Variants in PIK3R6 observed in about 807,000 individuals in gnomAD.
PIK3R6 encodes phosphoinositide 3-kinase regulatory subunit 6.
PIK3R6 carries 91 observed loss-of-function variants against 84.9 expected under a neutral mutation model. That is an observed-to-expected ratio of 1.07 (90% CI 0.90 to 1.28). The LOEUF (loss-of-function observed/expected upper bound fraction) is 1.28. Ranked by LOEUF, PIK3R6 falls within the 50% of genes most tolerant of loss-of-function variation. The pLI is 0.00. For synonymous variants in PIK3R6, 416 were observed against 411.4 expected (o/e 1.01, Z -0.13); for missense variants, 996 against 985.1 (o/e 1.01, Z -0.15).
At chr17:8,827,391 T>C in intron 12 of PIK3R6, 97 bp from the exon 13 acceptor site, 1 of 1,377,398 alleles carries the variant, frequency 7.3e-7, no homozygotes, top group Non-Finnish European at 9.7e-7. Flanking sequence ...GGTCAAGTCA[T>C]TTAACCTCTT....
chr17:8,815,570 A>C (rs575275914), intron 18 of PIK3R6, among the ~76,000 whole-genome samples: 313 of 152,200 alleles, frequency 2.1e-3, no homozygotes, highest in Non-Finnish European at 3.4e-3. Context: ...ATTCCAAAGA[A>C]GTTGAAATTG....
At chr17:8,850,360 G>C (rs1304393789) in intron 1 of PIK3R6, among the ~76,000 whole-genome samples, 1 of 151,570 alleles carries the variant, frequency 6.6e-6, no homozygotes, top group Non-Finnish European at 1.5e-5. Context: ...CTATGTGCCA[G>C]GCATCACTCT....
At chr17:8,835,547 C>T (rs1180687297) in intron 7 of PIK3R6, 91 bp from the exon 8 acceptor site, 1 of 1,101,430 alleles carries the variant, frequency 9.1e-7, no homozygotes, top group Non-Finnish European at 1.3e-6. Context: ...TGTGCAGCAC[C>T]TCCAAGTAAT....
intron 1 of PIK3R6, among the ~76,000 whole-genome samples, chr17:8,850,236 C>T (rs746941969): frequency 7.5e-5 from 11 of 146,466 alleles, no homozygotes; most frequent in Non-Finnish European, 8.9e-5. Context: ...ACCTGGGAGG[C>T]GGATGTTGCA....
intron 9 of PIK3R6, among the ~76,000 whole-genome samples, chr17:8,832,648 C>T (rs1215308301): frequency 6.6e-6 from 1 of 151,742 alleles, no homozygotes; most frequent in Non-Finnish European, 1.5e-5. Context: ...AGGTGATCCG[C>T]CTGCCTCGGC....
intron 18 of PIK3R6, among the ~76,000 whole-genome samples, chr17:8,811,434 C>A (rs879936372): frequency 6.7e-6 from 1 of 148,626 alleles, no homozygotes. Flanking sequence ...ATGCAAATTT[C>A]TACAGCCAGC....
intron 17 of PIK3R6, 23 bp downstream of exon 17, chr17:8,821,823 G>T: frequency 6.4e-7 from 1 of 1,565,214 alleles, no homozygotes; most frequent in Non-Finnish European, 8.7e-7. Flanking sequence ...CTCTTTCTTT[G>T]CTCTGCATTC....
At chr17:8,837,200 C>T (rs1047906117) in intron 5 of PIK3R6, among the ~76,000 whole-genome samples, 2 of 152,316 alleles carry the variant, frequency 1.3e-5, no homozygotes, top group South Asian at 4.1e-4. Flanking sequence ...TCAACTTCCT[C>T]CCAGCCCTCC....
intron 12 of PIK3R6, 56 bp downstream of exon 12, chr17:8,828,056 C>A: frequency 6.4e-7 from 1 of 1,556,694 alleles, no homozygotes; most frequent in Non-Finnish European, 8.9e-7. Flanking sequence ...GCAGGTGTGT[C>A]CCTGCCCAGC....
rs532609465 is a variant in PIK3R6, at chr17:8,823,541, C to T, written c.1516-44G>A. On this transcript the variant is annotated intron_variant, in intron 13 of 19. Transcript: ENST00000619866. ...ATGTCTTCACCAACTCCCCCAAGGC[C>T]ACTGTGGGAGATGCCATTTTCTTCA... The T allele has an allele frequency of 2.7e-5, 37 of 1,374,534 alleles. No homozygotes were observed. In the South Asian group the frequency reaches 4.2e-4, roughly 16 times the overall value. 85.1% of individuals were successfully genotyped at this position (1,374,534 alleles called of 1,614,324 possible). A position where few individuals can be genotyped will look rare whatever the true frequency, so the allele number is the denominator to read the frequency against.
intron 7 of PIK3R6, among the ~76,000 whole-genome samples, chr17:8,835,978 C>T (rs1180125116): frequency 1.3e-5 from 2 of 152,158 alleles, no homozygotes; most frequent in East Asian, 3.9e-4. Flanking sequence ...CACCTCACAC[C>T]CCAAACTCAA....
At chr17:8,823,520 C>T (rs2087813373) in intron 13 of PIK3R6, 23 bp from the exon 14 acceptor site, 2 of 1,513,984 alleles carry the variant, frequency 1.3e-6, no homozygotes, top group Non-Finnish European at 9.2e-7. Flanking sequence ...CAGGGAATGT[C>T]TTCACCAACT....
rs9910741 is a variant in PIK3R6 at position 8,839,545 on chromosome 17, C to G, written c.97+69G>C. On this transcript the variant is annotated intron_variant, in intron 3 of 19. Coordinates refer to ENST00000619866, the MANE Select transcript of PIK3R6 (RefSeq NM_001010855.4). This position sits in a 1 kb window ranked among gnomAD's most constrained non-coding sequence, Gnocchi z 4.2. ...CCAGGCCGGGGCTCTTTCCTGTATG[C>G]GCGTGTATTGTTGGCTGGGGTTGGG... 0.21 allele frequency: 275,390 copies of G among 1,293,994 alleles called. 31,110 individuals carry two copies. Among genetic ancestry groups the G allele is most frequent in the Non-Finnish European group, 0.23 (211,836 of 924,034 alleles). The allele number at this position is 1,293,994 out of a possible 1,614,324, so 80.2% of individuals were successfully genotyped here.
chr17:8,833,065 G>A lies in PIK3R6; in HGVS notation c.646-20C>T. On this transcript the variant is annotated intron_variant, in intron 8 of 19. Transcript: ENST00000619866. ...GCTGGCCTGTTGGGGAGGGGCGTCA[G>A]AGCCTGGGTCTTGGCCCAGCGCCCA... 2 of 1,554,668 alleles carry A rather than the reference G, an allele frequency of 1.3e-6. No homozygotes were observed. Among genetic ancestry groups the A allele is most frequent in the Non-Finnish European group, 1.7e-6 (2 of 1,153,654 alleles).
intron 9 of PIK3R6, 48 bp from the exon 10 acceptor site, chr17:8,829,840 C>A: frequency 1.4e-6 from 2 of 1,422,964 alleles, no homozygotes; most frequent in Middle Eastern, 2.2e-4. Flanking sequence ...GCCATGGGAC[C>A]CTCCTCTGCC....
At chr17:8,821,783 C>T in intron 17 of PIK3R6, 63 bp downstream of exon 17, 2 of 1,489,992 alleles carry the variant, frequency 1.3e-6, no homozygotes, top group South Asian at 2.4e-5. Flanking sequence ...ACTCTGCCCT[C>T]TCCCCAGCAT....
At chr17:8,859,734 C>A (rs118016161) in intron 1 of PIK3R6, among the ~76,000 whole-genome samples, 2 of 152,162 alleles carry the variant, frequency 1.3e-5, no homozygotes, top group Non-Finnish European at 2.9e-5. Context: ...CTCCAGCCTT[C>A]GGACTTGGAC....
chr17:8,819,342 G>C (rs1482492530), intron 17 of PIK3R6, 144 bp from the exon 18 acceptor site: 1 of 545,622 alleles, frequency 1.8e-6, no homozygotes, highest in Non-Finnish European at 3.2e-6. Flanking sequence ...GAATCTGCTT[G>C]GTCCCAGCCA....
In PIK3R6 at chr17:8,803,970, G is replaced by T; in HGVS notation, c.2108+71C>A. 1 of 1,344,978 alleles carries T rather than the reference G, an allele frequency of 7.4e-7. No homozygotes were observed. Among genetic ancestry groups the T allele is most frequent in the Non-Finnish European group, 1.1e-6 (1 of 947,214 alleles). 83.3% of individuals were successfully genotyped at this position (1,344,978 alleles called of 1,614,324 possible). A position where few individuals can be genotyped will look rare whatever the true frequency, so the allele number is the denominator to read the frequency against. On this transcript the variant is annotated intron_variant, in intron 19 of 19. Coordinates refer to ENST00000619866, the MANE Select transcript of PIK3R6 (RefSeq NM_001010855.4). This position sits in a 1 kb window ranked among gnomAD's most constrained non-coding sequence, Gnocchi z 5.0. ...TGCCTTGAGCTAGAGGCAGGAGATGGCAGGAGCTGGCTCCTGCTTCAGTTT... is the reference window on the plus strand; with the variant it reads ...TGCCTTGAGCTAGAGGCAGGAGATGTCAGGAGCTGGCTCCTGCTTCAGTTT...
Sources: allele counts gnomAD v4.1 joint callset (sites outside exome capture counted in the v4.1 genomes callset), GRCh38; gene constraint gnomAD v4.1.1; non-coding constraint Gnocchi (gnomAD v3.1); transcripts MANE v1.5; gene names NCBI Gene and HGNC (gene_info 2026-07-23, HGNC 2026-07-21).